Variants in CCDC122 observed in about 807,000 individuals in gnomAD.
The protein encoded by CCDC122 is coiled-coil domain containing 122, also known as coiled-coil domain-containing protein 122.
Under a neutral mutation model 37.0 loss-of-function variants are expected in CCDC122, and 38 were observed. The observed-to-expected ratio is 1.03, with a 90% CI of 0.79 to 1.35. The LOEUF (loss-of-function observed/expected upper bound fraction) is 1.35, where lower values mean the gene tolerates loss of function less well. Ranked by LOEUF, CCDC122 falls within the 40% of genes most tolerant of loss-of-function variation. The pLI is 0.00. For missense variants in CCDC122, 305 were observed against 310.0 expected, an observed-to-expected ratio of 0.98 and a Z score of 0.12; for synonymous variants, 83 against 95.6, an observed-to-expected ratio of 0.87 and a Z score of 0.77.
intron 6 of CCDC122, among the ~76,000 whole-genome samples, chr13:43,845,897 T>C (rs1439057708): frequency 6.6e-6 from 1 of 152,168 alleles, no homozygotes; most frequent in African/African-American, 2.4e-5. Flanking sequence ...ACAATATCAA[T>C]CATTATACGC....
intron 6 of CCDC122, among the ~76,000 whole-genome samples, chr13:43,844,427 G>C (rs1391271780): frequency 6.6e-6 from 1 of 151,860 alleles, no homozygotes; most frequent in Non-Finnish European, 1.5e-5. Context: ...TATATGGTGT[G>C]TCTTGGTGAA....
At chr13:43,867,131 T>A (rs1394505875) in intron 4 of CCDC122, among the ~76,000 whole-genome samples, 1 of 152,178 alleles carries the variant, frequency 6.6e-6, no homozygotes, top group Non-Finnish European at 1.5e-5. Flanking sequence ...TTATCATGAA[T>A]GGATACTGGA....
At position 43,843,283 on chromosome 13, in the gene CCDC122, C is replaced by G. The variant is rs115007183; in HGVS notation, c.673-5854G>C. 9.0e-3 allele frequency among the ~76,000 whole-genome samples: 1,376 copies of G among 152,086 alleles called. 17 individuals carry two copies. The highest frequency in any genetic ancestry group is 0.03 in the African/African-American group (1,240 of 41,530). ...ATTTGTTGAGAGTGTTGAATTCTGT[C>G]TAATGCTGTTTCTGAAACTATGAAG... is the stretch of plus-strand genomic sequence containing the variant. On this transcript the variant is annotated intron_variant, in intron 6 of 6. Coordinates refer to ENST00000444614, the MANE Select transcript of CCDC122 (RefSeq NM_144974.5).
intron 6 of CCDC122, among the ~76,000 whole-genome samples, chr13:43,847,987 C>A (rs994174966): frequency 5.3e-5 from 8 of 152,156 alleles, no homozygotes; most frequent in Non-Finnish European, 8.8e-5. Context: ...GCTGTCCAGG[C>A]TGGTCTCAAA....
intron 6 of CCDC122, among the ~76,000 whole-genome samples, chr13:43,845,301 T>C (rs966050379): frequency 3.3e-5 from 5 of 152,214 alleles, no homozygotes; most frequent in Non-Finnish European, 4.4e-5. Context: ...AAATCCATTA[T>C]TGCTTTGATT....
intron 6 of CCDC122, among the ~76,000 whole-genome samples, chr13:43,850,578 A>G (rs149446497): frequency 6.6e-6 from 1 of 152,214 alleles, no homozygotes; most frequent in Non-Finnish European, 1.5e-5. Context: ...GAACAGATAA[A>G]CTAATCAGTT....
intron 6 of CCDC122, among the ~76,000 whole-genome samples, chr13:43,840,083 C>G (rs924395523): frequency 1.3e-5 from 2 of 152,184 alleles, no homozygotes; most frequent in African/African-American, 4.8e-5. Context: ...TTGTCCAACA[C>G]TCAGCTGTTG....
chr13:43,834,456 A>C (rs112219124), downstream of CCDC122, among the ~76,000 whole-genome samples: 297 of 152,372 alleles, frequency 1.9e-3, 1 homozygote, highest in Middle Eastern at 0.027. Context: ...AAAATTGACA[A>C]ATGGGATCTA....
intron 6 of CCDC122, chr13:43,858,048 G>A (rs577197501): frequency 1.3e-5 from 2 of 152,234 alleles, no homozygotes; most frequent in East Asian, 1.9e-4. Context: ...TAAACTAAAA[G>A]GTAAAATCGT....
At chr13:43,833,163 C>T (rs1263265327), downstream of CCDC122, among the ~76,000 whole-genome samples, 1 of 152,148 alleles carries the variant, frequency 6.6e-6, no homozygotes, top group Admixed American at 6.5e-5. Flanking sequence ...AATTTCTTTA[C>T]ATTGGTCAAC....
chr13:43,831,315 C>T (rs1310948999), intron 3 of CCDC122, among the ~76,000 whole-genome samples: 1 of 151,868 alleles, frequency 6.6e-6, no homozygotes, highest in African/African-American at 2.4e-5. Flanking sequence ...GGCTGAGATC[C>T]CTGTGCATGA....
At chr13:43,874,664 A>G (rs2153880831) in intron 2 of CCDC122, 178 bp downstream of exon 2, 1 of 152,324 alleles carries the variant, frequency 6.6e-6, no homozygotes, top group African/African-American at 2.4e-5. Context: ...TCTGTTGTGC[A>G]ATGAAAAGAA....
At chr13:43,863,160 A>T (rs1954166130) in intron 4 of CCDC122, among the ~76,000 whole-genome samples, 1 of 152,074 alleles carries the variant, frequency 6.6e-6, no homozygotes, top group African/African-American at 2.4e-5. Flanking sequence ...TTCTCCTGAT[A>T]CTCTGTAAAT....
intron 4 of CCDC122, among the ~76,000 whole-genome samples, chr13:43,861,575 A>T (rs1483808281): frequency 1.3e-5 from 2 of 152,154 alleles, no homozygotes; most frequent in Non-Finnish European, 2.9e-5. Flanking sequence ...CTTCTTATCT[A>T]CTATGGTCAT....
chr13:43,869,388 G>A lies in CCDC122; in HGVS notation c.-12C>T, dbSNP rs1954376327. 2.5e-6 allele frequency: 4 copies of A among 1,602,460 alleles called. No individual in the cohort carries two copies. The highest frequency in any genetic ancestry group is 2.2e-5 in the East Asian group (1 of 44,552). On this transcript the variant is annotated 5_prime_UTR_variant, in exon 3 of 7. Transcript: ENST00000444614. ...TTGTTGTCTGACATTTTCTGTGTCT[G>A]TAATCTCTTTTCCCCTTTTTGATTT...
At chr13:43,873,046 A>C (rs1489870622) in intron 2 of CCDC122, among the ~76,000 whole-genome samples, 2 of 152,130 alleles carry the variant, frequency 1.3e-5, no homozygotes, top group East Asian at 3.9e-4. Context: ...ATCATTTAAC[A>C]CATTTGATAA....
At chr13:43,849,810 C>G (rs150998525) in intron 6 of CCDC122, among the ~76,000 whole-genome samples, 5 of 152,298 alleles carry the variant, frequency 3.3e-5, no homozygotes, top group Non-Finnish European at 5.9e-5. Context: ...AATCCCTCTG[C>G]TGGTGCACTC....
downstream of CCDC122, among the ~76,000 whole-genome samples, chr13:43,835,173 A>C (rs1163521140): frequency 2.6e-5 from 4 of 152,214 alleles, no homozygotes; most frequent in Non-Finnish European, 5.9e-5. Context: ...ACATGGATGA[A>C]GCTGGAAGCC....
At chr13:43,820,503 C>T (rs1952985614), downstream of CCDC122, among the ~76,000 whole-genome samples, 1 of 152,092 alleles carries the variant, frequency 6.6e-6, no homozygotes, top group African/African-American at 2.4e-5. Flanking sequence ...AAAGATAGGG[C>T]TATTTGAACA....
Sources: allele counts gnomAD v4.1 joint callset (sites outside exome capture counted in the v4.1 genomes callset), GRCh38; gene constraint gnomAD v4.1.1; transcripts MANE v1.5; gene names NCBI Gene and HGNC (gene_info 2026-07-23, HGNC 2026-07-21).